Variants in AK5 observed in about 807,000 individuals in gnomAD.
AK5 encodes the protein adenylate kinase isoenzyme 5.
In AK5, 27 loss-of-function variants were observed where a neutral mutation model predicts 69.5. The ratio of observed to expected loss-of-function variants is 0.39; its 90% CI spans 0.29 to 0.54. The LOEUF is 0.54. Among genes scored for constraint, AK5 ranks in the 20% least tolerant of loss-of-function variants. The pLI, the probability that AK5 is intolerant of heterozygous loss-of-function variation, is 0.71. For missense variants in AK5, 531 were observed against 700.4 expected, an observed-to-expected ratio of 0.76 and a Z score of 2.73; for synonymous variants, 260 against 244.4, an observed-to-expected ratio of 1.06 and a Z score of -0.60.
intron 13 of AK5, among the ~76,000 whole-genome samples, chr1:77,554,846 G>A (rs1660006547): frequency 6.8e-6 from 1 of 146,226 alleles, no homozygotes; most frequent in Admixed American, 7.1e-5. Context: ...TCTATCTCCT[G>A]ACCTCGTGAT....
intron 10 of AK5, among the ~76,000 whole-genome samples, chr1:77,508,444 C>T (rs1181198500): frequency 6.6e-6 from 1 of 152,230 alleles, no homozygotes; most frequent in African/African-American, 2.4e-5. Flanking sequence ...TTACCAGTCT[C>T]ATGGCAAAGG....
chr1:77,461,657 C>G (rs912084248), intron 8 of AK5, among the ~76,000 whole-genome samples: 9 of 151,720 alleles, frequency 5.9e-5, no homozygotes, highest in African/African-American at 1.9e-4. Context: ...GTAATCCCAG[C>G]TACTCAGGAG....
chr1:77,358,018 T>TGTGAGAGAGA (rs762714026), intron 6 of AK5, among the ~76,000 whole-genome samples: 25 of 128,272 alleles, frequency 1.9e-4, no homozygotes, highest in East Asian at 1.7e-3. Flanking sequence ...TGTGTGTGTG[T>TGTGAGAGAGA]GAGAGAGAGA....
At chr1:77,371,528 C>G (rs1004496044) in intron 6 of AK5, 3 of 152,302 alleles carry the variant, frequency 2.0e-5, no homozygotes, top group African/African-American at 7.2e-5. Context: ...CATGGCCACC[C>G]ACCCCACAGG....
intron 2 of AK5, chr1:77,293,487 A>T: frequency 4.7e-6 from 1 of 212,358 alleles, no homozygotes; most frequent in South Asian, 1.1e-4. Flanking sequence ...AGTTCATCTC[A>T]CTGCCTGTTT....
intron 5 of AK5, among the ~76,000 whole-genome samples, chr1:77,306,226 T>C (rs1659628091): frequency 6.6e-6 from 1 of 152,202 alleles, no homozygotes; most frequent in African/African-American, 2.4e-5. Context: ...CTGTCCTATA[T>C]GGCTTTTGTT....
rs201916180 is a variant in AK5 at position 77,382,833 on chromosome 1, TTAA to T, written c.892-28139_892-28137del. On this transcript the variant is annotated intron_variant, in intron 6 of 13. Transcript: ENST00000354567. ...AACCCTATAGTGATGGATGTTATTG[TTAA>T]TAATAATACTCTTTCATCCAGAATC... Among the ~76,000 whole-genome samples, 297 of 152,304 alleles carry T rather than the reference TTAA, an allele frequency of 2.0e-3. 1 individual carries two copies. In the East Asian group the frequency reaches 0.021, roughly 11 times the overall value.
At chr1:77,317,311 C>T (rs553926595) in intron 5 of AK5, among the ~76,000 whole-genome samples, 39 of 152,266 alleles carry the variant, frequency 2.6e-4, no homozygotes, top group African/African-American at 8.9e-4. Flanking sequence ...AGCCCTATCA[C>T]CTTTTGTAAC....
intron 8 of AK5, among the ~76,000 whole-genome samples, chr1:77,482,735 C>T (rs910653065): frequency 2.0e-5 from 3 of 149,914 alleles, no homozygotes; most frequent in East Asian, 2.0e-4. Flanking sequence ...TGCACCACTG[C>T]GCTCCAGCCT....
chr1:77,501,783 A>C (rs1261606426), intron 10 of AK5, among the ~76,000 whole-genome samples: 3 of 152,248 alleles, frequency 2.0e-5, no homozygotes, highest in African/African-American at 7.2e-5. Context: ...AAACAAAATT[A>C]GAGCCCTTGT....
chr1:77,386,157 A>G (rs1297309385), intron 6 of AK5, among the ~76,000 whole-genome samples: 1 of 152,184 alleles, frequency 6.6e-6, no homozygotes, highest in Non-Finnish European at 1.5e-5. Flanking sequence ...TAATAAATCA[A>G]TATTAGTTTT....
chr1:77,312,703 A>T (rs1660032160), intron 5 of AK5, among the ~76,000 whole-genome samples: 1 of 151,900 alleles, frequency 6.6e-6, no homozygotes, highest in African/African-American at 2.4e-5. Flanking sequence ...CACAGAGCTG[A>T]GGTGTTCTTA....
intron 8 of AK5, among the ~76,000 whole-genome samples, chr1:77,428,735 A>C (rs1353837843): frequency 6.6e-6 from 1 of 151,996 alleles, no homozygotes; most frequent in Admixed American, 6.6e-5. Flanking sequence ...GTATATCTCC[A>C]AATGCTACCC....
chr1:77,496,595 A>G (rs1656328842), intron 10 of AK5, among the ~76,000 whole-genome samples: 1 of 152,184 alleles, frequency 6.6e-6, no homozygotes, highest in African/African-American at 2.4e-5. Flanking sequence ...AAGATCCATT[A>G]TGGGAACAGG....
chr1:77,454,169 G>C (rs1406593205), intron 8 of AK5, among the ~76,000 whole-genome samples: 3 of 152,200 alleles, frequency 2.0e-5, no homozygotes, highest in South Asian at 4.1e-4. Flanking sequence ...ACCCCAGCTA[G>C]ATATCTGCCA....
intron 8 of AK5, among the ~76,000 whole-genome samples, chr1:77,468,019 G>C (rs1654247968): frequency 6.6e-6 from 1 of 152,248 alleles, no homozygotes; most frequent in African/African-American, 2.4e-5. Context: ...GTTTACAGAA[G>C]AGGGGCTTAA....
rs371671656 is a variant in AK5, at chr1:77,465,459, T to A, written c.1060-17858T>A. ...AAAGAAAGTAATATGCTTGGTGAGATATTTTCCCCAAAGCTTTCCTAGGAC... is the reference window on the plus strand; with the variant it reads ...AAAGAAAGTAATATGCTTGGTGAGAAATTTTCCCCAAAGCTTTCCTAGGAC... On this transcript the variant is annotated intron_variant, in intron 8 of 13. Coordinates refer to ENST00000354567, the MANE Select transcript of AK5 (RefSeq NM_174858.3). Among the ~76,000 whole-genome samples the A allele has an allele frequency of 7.9e-5, 12 of 152,352 alleles. No homozygotes were observed. The East Asian group carries it at 2.3e-3, about 29-fold the overall frequency.
At chr1:77,376,185 A>G (rs1647228695) in intron 6 of AK5, among the ~76,000 whole-genome samples, 1 of 152,046 alleles carries the variant, frequency 6.6e-6, no homozygotes. Context: ...GTCACTTGAG[A>G]CTCCAGACAT....
At chr1:77,308,257 C>A (rs1378053765) in intron 5 of AK5, among the ~76,000 whole-genome samples, 1 of 151,980 alleles carries the variant, frequency 6.6e-6, no homozygotes, top group African/African-American at 2.4e-5. Context: ...TGGACTCTCC[C>A]AGTCCCCAGG....
Sources: allele counts gnomAD v4.1 joint callset (sites outside exome capture counted in the v4.1 genomes callset), GRCh38; gene constraint gnomAD v4.1.1; transcripts MANE v1.5; gene names NCBI Gene and HGNC (gene_info 2026-07-23, HGNC 2026-07-21).